PCDHA3: variants seen among roughly 807,000 people sequenced by gnomAD.
The protein encoded by PCDHA3 is protocadherin alpha-3.
PCDHA3 carries 41 observed loss-of-function variants against 62.2 expected under a neutral mutation model. That is an observed-to-expected ratio of 0.66 (90% CI 0.51 to 0.86). The LOEUF is 0.86. PCDHA3 is among the 40% of genes least tolerant of loss of function. PCDHA3 has a pLI of 0.00. For missense variants in PCDHA3, 1,304 were observed against 1,241.2 expected (o/e 1.05, Z -0.76); for synonymous variants, 640 against 555.4 (o/e 1.15, Z -2.14).
intron 1 of PCDHA3, chr5:140,848,977 A>C (rs2150427682): frequency 6.2e-7 from 1 of 1,600,464 alleles, no homozygotes; most frequent in South Asian, 1.1e-5. Context: ...TCCGATGCAG[A>C]TATCGGGGAG....
In PCDHA3 at chr5:140,870,903, A is replaced by C. The variant is rs182770106; in HGVS notation, c.2394+67312A>C. On this transcript the variant is annotated intron_variant, in intron 1 of 3. Transcript: ENST00000522353. ...AGGTGCGCGCAGTGGATGCGGACTCAGGCTACAACGCGTGGCTTTCATATG... is the reference window on the plus strand; with the variant it reads ...AGGTGCGCGCAGTGGATGCGGACTCCGGCTACAACGCGTGGCTTTCATATG... 3.9e-4 allele frequency: 622 copies of C among 1,613,930 alleles called. 2 individuals carry two copies. The highest frequency in any genetic ancestry group is 2.8e-3 in the Middle Eastern group (17 of 6,060).
chr5:140,966,792 C>A (rs1182470326), intron 1 of PCDHA3: 3 of 1,530,564 alleles, frequency 2.0e-6, no homozygotes, highest in Admixed American at 1.9e-5. Context: ...ACCAGACCTG[C>A]GGCGACAGAG....
intron 1 of PCDHA3, among the ~76,000 whole-genome samples, chr5:140,964,181 T>A (rs1563333888): frequency 6.6e-6 from 1 of 152,218 alleles, no homozygotes; most frequent in African/African-American, 2.4e-5. Context: ...ATCATTATAG[T>A]GCCAAATAGA....
chr5:140,834,549 C>T (rs2150220771), intron 1 of PCDHA3: 1 of 1,614,074 alleles, frequency 6.2e-7, no homozygotes, highest in Non-Finnish European at 8.5e-7. Flanking sequence ...GGGGCTGGAG[C>T]TGGCGGAGCT....
At chr5:140,822,627 T>C in intron 1 of PCDHA3, 1 of 1,611,408 alleles carries the variant, frequency 6.2e-7, no homozygotes, top group South Asian at 1.1e-5. Flanking sequence ...GTAATCTTGT[T>C]CTTGACGATG....
intron 1 of PCDHA3, among the ~76,000 whole-genome samples, chr5:140,838,192 C>A (rs1473980507): frequency 1.3e-5 from 2 of 149,554 alleles, no homozygotes; most frequent in Non-Finnish European, 3.0e-5. Flanking sequence ...CAGCTCACTG[C>A]AAAATCCGCC....
chr5:140,842,784 C>A (rs1285950480), intron 1 of PCDHA3: 4 of 1,594,370 alleles, frequency 2.5e-6, no homozygotes, highest in Non-Finnish European at 3.4e-6. Context: ...CAGGAGAACG[C>A]GCTGGTGTCC....
chr5:140,997,567 G>A (rs1163598467), intron 3 of PCDHA3, among the ~76,000 whole-genome samples: 1 of 152,130 alleles, frequency 6.6e-6, no homozygotes, highest in Non-Finnish European at 1.5e-5. Flanking sequence ...ACTGTCATAT[G>A]TGTGGTCCGT....
intron 1 of PCDHA3, among the ~76,000 whole-genome samples, chr5:140,826,323 TTG>T (rs1161647284): frequency 6.6e-6 from 1 of 152,208 alleles, no homozygotes; most frequent in Non-Finnish European, 1.5e-5. Context: ...GGGATTGTTT[TTG>T]GTTAAGAAAT....
At chr5:140,967,409 C>T (rs1451311967) in intron 1 of PCDHA3, 9 of 1,613,130 alleles carry the variant, frequency 5.6e-6, no homozygotes, top group Non-Finnish European at 7.6e-6. Flanking sequence ...GCGTAAGGGC[C>T]TAGACCGGGA....
chr5:140,962,036 A>G (rs761594563), intron 1 of PCDHA3, among the ~76,000 whole-genome samples: 10 of 151,802 alleles, frequency 6.6e-5, no homozygotes, highest in Non-Finnish European at 1.2e-4. Flanking sequence ...GGCACCCACC[A>G]CCATGCCTGG....
chr5:140,910,103 T>C (rs1485345908), intron 1 of PCDHA3, among the ~76,000 whole-genome samples: 2 of 152,192 alleles, frequency 1.3e-5, no homozygotes, highest in Admixed American at 6.5e-5. Flanking sequence ...CTCCCCTTCA[T>C]TTAAGGGATT....
intron 1 of PCDHA3, among the ~76,000 whole-genome samples, chr5:140,911,424 T>C (rs1180624921): frequency 6.6e-6 from 1 of 152,168 alleles, no homozygotes; most frequent in Non-Finnish European, 1.5e-5. Context: ...TAAGAACTTG[T>C]GTCCAATTTC....
intron 1 of PCDHA3, among the ~76,000 whole-genome samples, chr5:140,838,757 T>C (rs2150292205): frequency 1.3e-5 from 2 of 151,922 alleles, no homozygotes; most frequent in African/African-American, 2.4e-5. Context: ...GCATCTTTTG[T>C]AGAGACTTTG....
chr5:140,920,854 A>C (rs1369314704), intron 1 of PCDHA3, among the ~76,000 whole-genome samples: 1 of 152,006 alleles, frequency 6.6e-6, no homozygotes, highest in East Asian at 1.9e-4. Context: ...AAAAAAAAAA[A>C]AAAACAAACA....
At chr5:140,906,995 C>T (rs1177237804) in intron 1 of PCDHA3, among the ~76,000 whole-genome samples, 1 of 152,164 alleles carries the variant, frequency 6.6e-6, no homozygotes, top group Non-Finnish European at 1.5e-5. Flanking sequence ...GCATTCCTCC[C>T]TCTGGAACTA....
At chr5:140,877,007 C>T in intron 1 of PCDHA3, 2 of 1,612,430 alleles carry the variant, frequency 1.2e-6, no homozygotes, top group Non-Finnish European at 1.7e-6. Context: ...TCGGTGCACG[C>T]GGAGAGCGGC....
chr5:140,808,806 C>T, intron 1 of PCDHA3: 1 of 1,612,650 alleles, frequency 6.2e-7, no homozygotes, highest in African/African-American at 1.3e-5. Flanking sequence ...GCTCGCGATG[C>T]CGGCGTGCCA....
At chr5:140,964,609 T>A (rs2095843840) in intron 1 of PCDHA3, among the ~76,000 whole-genome samples, 1 of 152,062 alleles carries the variant, frequency 6.6e-6, no homozygotes, top group Non-Finnish European at 1.5e-5. Context: ...AACTTACAAC[T>A]TGATTCCACT....
Sources: allele counts gnomAD v4.1 joint callset (sites outside exome capture counted in the v4.1 genomes callset), GRCh38; gene constraint gnomAD v4.1.1; transcripts MANE v1.5; gene names NCBI Gene and HGNC (gene_info 2026-07-23, HGNC 2026-07-21).